The following JCAD variants were observed in gnomAD, a reference collection of about 807,000 sequenced individuals.
JCAD encodes the protein junctional cadherin 5-associated protein.
JCAD carries 40 observed loss-of-function variants against 98.0 expected under a neutral mutation model. The ratio of observed to expected loss-of-function variants is 0.41; its 90% confidence interval spans 0.32 to 0.53. The LOEUF (loss-of-function observed/expected upper bound fraction) is 0.53, where lower values mean the gene tolerates loss of function less well. JCAD is among the 20% of genes least tolerant of loss of function. The pLI, the probability that JCAD is intolerant of heterozygous loss-of-function variation, is 0.31. For missense variants in JCAD, 1,705 were observed against 1,738.1 expected (o/e 0.98, Z 0.34); for synonymous variants, 691 against 682.3 (o/e 1.01, Z -0.20).
intron 2 of JCAD, among the ~76,000 whole-genome samples, chr10:30,043,234 G>C (rs530605962): frequency 6.6e-6 from 1 of 151,956 alleles, no homozygotes; most frequent in African/African-American, 2.4e-5. Flanking sequence ...GGAAACAAGT[G>C]TCCTGTATGC....
chr10:30,026,502 A>C lies in JCAD; in HGVS notation c.3646T>G (p.Leu1216Val), dbSNP rs1420941525. 6 of 1,614,228 alleles carry C rather than the reference A, an allele frequency of 3.7e-6. No homozygotes were observed. The highest frequency in any genetic ancestry group is 5.1e-6 in the Non-Finnish European group (6 of 1,180,040). The change falls in exon 3 of 4, where the codon TTA becomes GTA. Residue 1216 changes from leucine (L) to valine (V), a missense_variant. Physicochemically the swap from Leu to Val is conservative, Grantham distance 32. Coordinates refer to ENST00000375377, the MANE Select transcript of JCAD (RefSeq NM_020848.4). ...VETKPPFRST[L>V]FHFVERTPSV... ...GGGGTTCTTTCTACAAAATGGAATA[A>C]AGTGGACCTGAAGGGTGGTTTTGTT...
rs1323409187 is a variant in JCAD at position 30,028,618 on chromosome 10, G to T, written c.1530C>A (p.Asn510Lys). 6.2e-7 allele frequency: 1 copy of T among 1,611,710 alleles called. No individual in the cohort carries two copies. Among genetic ancestry groups the T allele is most frequent in the Admixed American group, 1.7e-5 (1 of 59,726 alleles). The stretch of plus-strand genomic sequence containing the variant: ...GGTCTCTCTGGTTGGGGAGGCCACT[G>T]TTTTCCCCATCCCCGGGGGGCTGGC... ...LWGQPPGDGE[N>K]SGLPNQRDRC... Residue 510 changes from asparagine (N) to lysine (K), a missense_variant, in exon 3 of 4, where the codon AAC becomes AAA. Physicochemically the swap from Asn to Lys is moderately conservative, Grantham distance 94 (BLOSUM62 0). Transcript: ENST00000375377.
chr10:30,017,044 G>T lies in JCAD; in HGVS notation c.*839C>A, dbSNP rs1452940099. On this transcript the variant is annotated 3_prime_UTR_variant, in exon 4 of 4. Transcript: ENST00000375377. ...CTTAAAAATCTGCCGCCTAACAATT[G>T]TTTACATCATAGAAAAATAGCATTT... is the stretch of plus-strand genomic sequence containing the variant. The T allele has an allele frequency of 6.6e-6, 1 of 152,168 alleles. No individual in the cohort carries two copies. The allele number at this position is 152,168 out of a possible 1,614,324, so 9.4% of individuals were successfully genotyped here.
At chr10:30,087,827 T>C (rs895236040) in intron 1 of JCAD, among the ~76,000 whole-genome samples, 2 of 152,236 alleles carry the variant, frequency 1.3e-5, no homozygotes, top group Admixed American at 1.3e-4. Flanking sequence ...TGAAACCTTA[T>C]TGGACTTCTG....
intron 1 of JCAD, among the ~76,000 whole-genome samples, chr10:30,086,994 G>A (rs1838177178): frequency 6.6e-6 from 1 of 152,194 alleles, no homozygotes; most frequent in South Asian, 2.1e-4. Context: ...CCAGAGACTT[G>A]GGGTGAGGGG....
chr10:30,037,025 T>C (rs369967875), intron 2 of JCAD, among the ~76,000 whole-genome samples: 15 of 152,336 alleles, frequency 9.8e-5, no homozygotes, highest in African/African-American at 3.4e-4. Context: ...ATACAGAAAC[T>C]GACCGCCAAG....
intron 1 of JCAD, among the ~76,000 whole-genome samples, chr10:30,070,667 C>T (rs1281126024): frequency 6.6e-6 from 1 of 152,146 alleles, no homozygotes; most frequent in African/African-American, 2.4e-5. Context: ...TAAATCCACC[C>T]CAACTTTTTT....
At chr10:30,034,116 G>C (rs1341561868) in intron 2 of JCAD, among the ~76,000 whole-genome samples, 5 of 151,468 alleles carry the variant, frequency 3.3e-5, no homozygotes, top group African/African-American at 1.2e-4. Flanking sequence ...CTAGCTACCC[G>C]GGAGGCTGAG....
At chr10:30,025,306 T>C (rs1836765734) in intron 3 of JCAD, among the ~76,000 whole-genome samples, 1 of 151,368 alleles carries the variant, frequency 6.6e-6, no homozygotes, top group Non-Finnish European at 1.5e-5. Context: ...TCACCTGAGG[T>C]CAGGAGTTCA....
chr10:30,025,705 T>C lies in JCAD; in HGVS notation c.4045+398A>G, dbSNP rs1459624205. Among the ~76,000 whole-genome samples the C allele has an allele frequency of 2.0e-5, 3 of 151,802 alleles. No individual in the cohort carries two copies. The East Asian group carries it at 5.8e-4, about 30-fold the overall frequency. ...GAGTTCGAGACCAGCCTGAGTAACA[T>C]AGTGGGATCTCGTCTCTATAAAAAA... On this transcript the variant is annotated intron_variant, in intron 3 of 3. Transcript: ENST00000375377.
Position 30,026,402 on chromosome 10 carries a change from G to T in JCAD, c.3746C>A (p.Ser1249Tyr), listed in dbSNP as rs1294954228. Residue 1249 changes from serine (S) to tyrosine (Y), a missense_variant, in exon 3 of 4, where the codon TCC (serine) becomes TAC (tyrosine). Physicochemically the swap from Ser to Tyr is moderately radical, Grantham distance 144. Transcript: ENST00000375377. ...VIESLQEKLA[S>Y]PPRRADPDRL... ...GTCAGGGTCTGCTCTCCTAGGCGGG[G>T]AGGCCAGTTTCTCTTGTAAACTTTC... 1 of 1,614,250 alleles carries T rather than the reference G, an allele frequency of 6.2e-7. No homozygotes were observed. The highest frequency in any genetic ancestry group is 1.3e-5 in the African/African-American group (1 of 75,062).
intron 2 of JCAD, among the ~76,000 whole-genome samples, chr10:30,066,239 G>A (rs1837781734): frequency 6.6e-6 from 1 of 152,106 alleles, no homozygotes; most frequent in Admixed American, 6.6e-5. Context: ...TACAATGCTG[G>A]GGACCAAGAA....
intron 3 of JCAD, among the ~76,000 whole-genome samples, chr10:30,020,679 G>A (rs1025019072): frequency 3.9e-5 from 6 of 152,198 alleles, no homozygotes; most frequent in African/African-American, 1.4e-4. Context: ...TCTGACTGTT[G>A]ATGCTTAACA....
At chr10:30,062,530 G>A (rs563827590), upstream of JCAD, among the ~76,000 whole-genome samples, 1 of 152,182 alleles carries the variant, frequency 6.6e-6, no homozygotes, top group African/African-American at 2.4e-5. Flanking sequence ...AGAGGAAAGA[G>A]GGTGTATTAT....
chr10:30,049,635 T>G (rs1020849523), intron 1 of JCAD, among the ~76,000 whole-genome samples: 1 of 152,190 alleles, frequency 6.6e-6, no homozygotes, highest in African/African-American at 2.4e-5. Flanking sequence ...CTGCATGTCT[T>G]TCAAGGAGTT....
chr10:30,098,764 CA>C (rs1030044573), intron 1 of JCAD, among the ~76,000 whole-genome samples: 1 of 152,152 alleles, frequency 6.6e-6, no homozygotes, highest in Non-Finnish European at 1.5e-5. Flanking sequence ...TCTTACTGTC[CA>C]ATAACTTATT....
chr10:30,019,800 G>A (rs904347651), intron 3 of JCAD, among the ~76,000 whole-genome samples: 12 of 152,092 alleles, frequency 7.9e-5, no homozygotes, highest in Non-Finnish European at 1.8e-4. Flanking sequence ...TGGTAACTAT[G>A]AGAGAAGATG....
chr10:30,081,656 T>G (rs1838088698), intron 1 of JCAD, among the ~76,000 whole-genome samples: 1 of 152,152 alleles, frequency 6.6e-6, no homozygotes, highest in Admixed American at 6.5e-5. Context: ...GGTCTCGAAC[T>G]CTTGGCCTTA....
chr10:30,096,261 C>A (rs1486395997), intron 1 of JCAD, among the ~76,000 whole-genome samples: 1 of 152,178 alleles, frequency 6.6e-6, no homozygotes, highest in Non-Finnish European at 1.5e-5. Flanking sequence ...TGATGGGCGG[C>A]CCCACCAAAT....
Sources: gnomAD v4.1 joint callset for allele counts (sites outside exome capture counted in the v4.1 genomes callset) on GRCh38, gnomAD v4.1.1 for gene constraint, MANE v1.5 for transcripts, NCBI Gene and HGNC (gene_info 2026-07-23, HGNC 2026-07-21) for gene names.